GLB1L3: variants seen among roughly 807,000 people sequenced by gnomAD.
GLB1L3 encodes galactosidase beta 1 like 3, also known as beta-galactosidase-1-like protein 3.
A neutral mutation model predicts 89.5 loss-of-function variants in GLB1L3; 89 were observed. The observed-to-expected ratio is 0.99, with a 90% CI of 0.84 to 1.19. GLB1L3 has a LOEUF of 1.19. Ranked by LOEUF, GLB1L3 falls within the 50% of genes most tolerant of loss-of-function variation. The pLI, the probability that GLB1L3 is intolerant of heterozygous loss-of-function variation, is 0.00. For synonymous variants in GLB1L3, 314 were observed against 312.3 expected (o/e 1.01, Z -0.06); for missense variants, 812 against 813.3 (o/e 1.00, Z 0.02).
intron 6 of GLB1L3, 70 bp downstream of exon 6, chr11:134,283,915 A>G (rs929521506): frequency 1.1e-6 from 1 of 876,206 alleles, no homozygotes; most frequent in African/African-American, 1.7e-5. Flanking sequence ...TGGCTTGATC[A>G]CTGAAGAGGC....
chr11:134,277,526 T>C, intron 2 of GLB1L3, 75 bp downstream of exon 2: 1 of 1,577,014 alleles, frequency 6.3e-7, no homozygotes, highest in South Asian at 1.1e-5. Context: ...GTATCGCGAA[T>C]ATGCACAGAA....
chr11:134,312,440 C>G lies in GLB1L3; in HGVS notation c.1379C>G (p.Ser460Cys), dbSNP rs1361340054. 2 of 1,613,466 alleles carry G rather than the reference C, an allele frequency of 1.2e-6. No homozygotes were observed. The highest frequency in any genetic ancestry group is 3.3e-5 in the Admixed American group (2 of 60,008). The change falls in exon 14 of 20, where the codon TCC becomes TGC. Residue 460 changes from serine (S) to cysteine (C), a missense_variant. Coordinates refer to ENST00000431683, the MANE Select transcript of GLB1L3 (RefSeq NM_001080407.3). ...QSYGLVLYEKSICSGGRLRAH... is the reference protein window; with the variant it reads ...QSYGLVLYEKCICSGGRLRAH... Reference sequence around the variant, plus strand: ...TACGGGCTTGTCCTGTATGAGAAGTCCATCTGCTCCGGAGGCCGCCTCCGT... The same window carrying G: ...TACGGGCTTGTCCTGTATGAGAAGTGCATCTGCTCCGGAGGCCGCCTCCGT...
At chr11:134,323,379 GCACA>G (rs3065407), downstream of GLB1L3, among the ~76,000 whole-genome samples, 22 of 136,700 alleles carry the variant, frequency 1.6e-4, no homozygotes, top group South Asian at 9.6e-4. Flanking sequence ...ACATGCGTGC[GCACA>G]CACACACACA....
chr11:134,291,709 T>C (rs1417661684), intron 7 of GLB1L3, among the ~76,000 whole-genome samples: 2 of 152,200 alleles, frequency 1.3e-5, no homozygotes, highest in African/African-American at 4.8e-5. Flanking sequence ...GCGTGGTGGC[T>C]CATACCTGTA....
At chr11:134,310,056 A>G (rs1304851930) in intron 11 of GLB1L3, 1 of 473,602 alleles carries the variant, frequency 2.1e-6, no homozygotes, top group Non-Finnish European at 3.8e-6. Context: ...TGACTGCTGT[A>G]AAGGCACAGA....
chr11:134,308,613 C>CCAT (rs1565414711), intron 10 of GLB1L3, among the ~76,000 whole-genome samples: 1 of 140,800 alleles, frequency 7.1e-6, no homozygotes, highest in Non-Finnish European at 1.6e-5. Flanking sequence ...ACCACCACCA[C>CCAT]CACTATCACC....
Position 134,310,737 on chromosome 11 carries a change from C to T in GLB1L3, c.1180+86C>T, listed in dbSNP as rs1234907164. The T allele has an allele frequency of 1.4e-5, 14 of 1,009,506 alleles. No homozygotes were observed. The East Asian group carries it at 3.3e-4, about 24-fold the overall frequency. The allele number at this position is 1,009,506 out of a possible 1,614,324, so 62.5% of individuals were successfully genotyped here. The stretch of plus-strand genomic sequence containing the variant: ...GAAAAGTGAGGAAGGCGTGGGTCTC[C>T]CTTGTGGGCAGCAGTTACACCAAGC... On this transcript the variant is annotated intron_variant, in intron 12 of 19. Transcript: ENST00000431683.
intron 6 of GLB1L3, among the ~76,000 whole-genome samples, chr11:134,288,069 G>A (rs1356656713): frequency 1.3e-5 from 2 of 152,230 alleles, no homozygotes; most frequent in African/African-American, 4.8e-5. Context: ...GCATCAGACT[G>A]TGGAAGGACC....
At chr11:134,288,974 G>A (rs550705707) in intron 7 of GLB1L3, 84 bp downstream of exon 7, 3 of 927,712 alleles carry the variant, frequency 3.2e-6, no homozygotes, top group African/African-American at 3.3e-5. Flanking sequence ...ATGAGTGATC[G>A]GGCTGGACAC....
intron 9 of GLB1L3, among the ~76,000 whole-genome samples, chr11:134,303,388 C>G (rs1942040577): frequency 6.6e-6 from 1 of 152,130 alleles, no homozygotes; most frequent in Non-Finnish European, 1.5e-5. Context: ...TGATTATGTG[C>G]CTGCTTTTAA....
At chr11:134,313,331 A>C (rs1211544361) in intron 15 of GLB1L3, 65 bp from the exon 16 acceptor site, 1 of 1,298,008 alleles carries the variant, frequency 7.7e-7, no homozygotes, top group South Asian at 1.3e-5. Context: ...TCAGTGAAAA[A>C]ACGGGTTGTC....
chr11:134,295,922 A>G (rs1388976422), intron 9 of GLB1L3, among the ~76,000 whole-genome samples: 4 of 152,166 alleles, frequency 2.6e-5, no homozygotes, highest in Admixed American at 2.6e-4. Context: ...GGGATTTTCC[A>G]GCTAGTATTC....
chr11:134,321,413 A>G (rs1006037051), downstream of GLB1L3, among the ~76,000 whole-genome samples: 14 of 152,204 alleles, frequency 9.2e-5, no homozygotes, highest in Non-Finnish European at 1.6e-4. Context: ...TAGAAGATAA[A>G]GAAGTAGAAA....
intron 3 of GLB1L3, among the ~76,000 whole-genome samples, chr11:134,278,902 C>T (rs140794658): frequency 0.014 from 2,061 of 152,298 alleles, 55 homozygotes; most frequent in African/African-American, 0.045. Flanking sequence ...TGAATTACAA[C>T]GGCAATTTTT....
chr11:134,288,017 C>G (rs1941118231), intron 6 of GLB1L3, among the ~76,000 whole-genome samples: 1 of 152,196 alleles, frequency 6.6e-6, no homozygotes, highest in South Asian at 2.1e-4. Flanking sequence ...TTCCAGCACT[C>G]AGGCTGCCTT....
intron 9 of GLB1L3, among the ~76,000 whole-genome samples, 156 bp from the exon 10 acceptor site, chr11:134,306,968 G>T (rs539034966): frequency 3.9e-5 from 6 of 152,380 alleles, no homozygotes; most frequent in African/African-American, 1.4e-4. Flanking sequence ...GCCAAGGGCC[G>T]TGGGGGAAGA....
At chr11:134,314,261 TG>T in intron 17 of GLB1L3, 68 bp from the exon 18 acceptor site, 2 of 1,088,322 alleles carry the variant, frequency 1.8e-6, no homozygotes, top group Non-Finnish European at 2.7e-6. Flanking sequence ...CCACGCCACC[TG>T]GGGTGGGTAC....
At chr11:134,309,915 G>A (rs1191203143) in intron 11 of GLB1L3, 152 bp downstream of exon 11, 1 of 842,696 alleles carries the variant, frequency 1.2e-6, no homozygotes, top group South Asian at 1.8e-5. Context: ...CCTTCCTTCT[G>A]TATGTTCATA....
intron 6 of GLB1L3, 22 bp downstream of exon 6, chr11:134,283,867 C>A: frequency 7.1e-7 from 1 of 1,408,102 alleles, no homozygotes; most frequent in Non-Finnish European, 1.0e-6. Flanking sequence ...TTGTCCCCTG[C>A]ATCTTTCTTA....
Sources: allele counts gnomAD v4.1 joint callset (sites outside exome capture counted in the v4.1 genomes callset), GRCh38; gene constraint gnomAD v4.1.1; transcripts MANE v1.5; gene names NCBI Gene and HGNC (gene_info 2026-07-23, HGNC 2026-07-21).